Variants in SCARB2 observed in about 807,000 individuals in gnomAD.
SCARB2 encodes the protein lysosome membrane protein 2.
Under a neutral mutation model 58.6 loss-of-function variants are expected in SCARB2, and 29 were observed. That is an observed-to-expected ratio of 0.49 (90% confidence interval 0.37 to 0.67). The LOEUF is 0.67. SCARB2 is among the 30% of genes least tolerant of loss of function. SCARB2 has a pLI of 0.00. For synonymous variants in SCARB2, 195 were observed against 210.1 expected (o/e 0.93, Z 0.62); for missense variants, 488 against 578.5 (o/e 0.84, Z 1.60).
At chr4:76,233,603 C>T (rs59293528) in intron 1 of SCARB2, among the ~76,000 whole-genome samples, 1 of 126,294 alleles carries the variant, frequency 7.9e-6, no homozygotes, top group African/African-American at 2.9e-5. Flanking sequence ...CACACACACA[C>T]ATATGTAACT....
chr4:76,169,367 C>G (rs1319357655), intron 8 of SCARB2, among the ~76,000 whole-genome samples: 1 of 147,432 alleles, frequency 6.8e-6, no homozygotes, highest in Non-Finnish European at 1.5e-5. Context: ...CTATGTATAT[C>G]TGATACCTTT....
chr4:76,217,828 T>G (rs1733240289), upstream of SCARB2: 1 of 402,980 alleles, frequency 2.5e-6, no homozygotes, highest in East Asian at 3.5e-5. Flanking sequence ...GAATGATTGC[T>G]GGTGCCTGTT....
chr4:76,214,279 CAGCA>C (rs1218500994), upstream of SCARB2: 1 of 456,064 alleles, frequency 2.2e-6, no homozygotes, highest in Non-Finnish European at 4.4e-6. Flanking sequence ...GAGATCATGC[CAGCA>C]AGCATGTTCT....
At chr4:76,211,623 G>T (rs926415904) in intron 1 of SCARB2, among the ~76,000 whole-genome samples, 1 of 152,160 alleles carries the variant, frequency 6.6e-6, no homozygotes, top group South Asian at 2.1e-4. Flanking sequence ...AACAGCCCAC[G>T]GTCACCGAGC....
Position 76,181,072 on chromosome 4 carries a change from A to G in SCARB2, c.305T>C (p.Phe102Ser). ...RELRNKANIQ[F>S]GDNGTTISAV... Reference sequence around the variant, plus strand: ...AGATATTGTTGTTCCATTATCTCCAAATTGAATATTTGCTTTGTTTCTGAG... The same window carrying G: ...AGATATTGTTGTTCCATTATCTCCAGATTGAATATTTGCTTTGTTTCTGAG... The change falls in exon 3 of 12, where the codon TTT becomes TCT. Residue 102 changes from phenylalanine (F) to serine (S), a missense_variant. By Grantham distance (155) the Phe-to-Ser change is radical. Transcript: ENST00000264896. 1 of 1,613,804 alleles carries G rather than the reference A, an allele frequency of 6.2e-7. No individual in the cohort carries two copies. Among genetic ancestry groups the G allele is most frequent in the Non-Finnish European group, 8.5e-7 (1 of 1,179,876 alleles).
rs1359517622 is a variant in SCARB2, at chr4:76,168,481, A to C, written c.1114-5T>G. ...TTTTAGGATTATTCCAGTCAACTGC[A>C]AATCAGAGAAGTGAAAAGGAAACAT... On this transcript the variant is annotated splice_region_variant and splice_polypyrimidine_tract_variant and intron_variant, in intron 8 of 11. Coordinates refer to ENST00000264896, the MANE Select transcript of SCARB2 (RefSeq NM_005506.4). 5 of 1,612,784 alleles carry C rather than the reference A, an allele frequency of 3.1e-6. No homozygotes were observed. Among genetic ancestry groups the C allele is most frequent in the African/African-American group, 1.3e-5 (1 of 74,928 alleles).
Position 76,213,435 on chromosome 4 carries a change from T to C in SCARB2, c.109A>G (p.Ile37Val). ...RVFQKAVDQS[I>V]EKKIVLRNGT... ...AGCCCGCCCCGCCTCACCTTCTCGA[T>C]ACTCTGGTCTACAGCCTTCTGGAAG... The change falls in exon 1 of 12, where the codon ATC becomes GTC. Residue 37 changes from isoleucine (I) to valine (V), a missense_variant. Ile to Val is a conservative substitution (Grantham distance 29). Transcript: ENST00000264896. 1 of 1,608,522 alleles carries C rather than the reference T, an allele frequency of 6.2e-7. No individual in the cohort carries two copies. The highest frequency in any genetic ancestry group is 8.5e-7 in the Non-Finnish European group (1 of 1,176,688).
intron 7 of SCARB2, 69 bp downstream of exon 7, chr4:76,174,075 A>T (rs907226984): frequency 1.3e-6 from 2 of 1,588,402 alleles, no homozygotes; most frequent in African/African-American, 2.7e-5. Context: ...CCAGCTACAT[A>T]TTCTTTGTTG....
chr4:76,202,472 G>A (rs1048055618), intron 1 of SCARB2, among the ~76,000 whole-genome samples: 13 of 152,220 alleles, frequency 8.5e-5, no homozygotes, highest in Middle Eastern at 3.4e-3. Context: ...TGTTAGTCAG[G>A]CTGATCTTGA....
At chr4:76,206,704 A>C (rs1423351950) in intron 1 of SCARB2, among the ~76,000 whole-genome samples, 1 of 151,318 alleles carries the variant, frequency 6.6e-6, no homozygotes, top group Non-Finnish European at 1.5e-5. Flanking sequence ...ATACTAGATT[A>C]AAATACCAAA....
intron 1 of SCARB2, among the ~76,000 whole-genome samples, chr4:76,228,422 C>T (rs557132274): frequency 5.3e-5 from 8 of 150,908 alleles, no homozygotes; most frequent in Non-Finnish European, 1.2e-4. Context: ...AAGGTTACAG[C>T]AAGCTGAGAT....
In SCARB2 at chr4:76,180,972, T is replaced by C. The variant is rs755329964; in HGVS notation, c.405A>G (p.Thr135=). The C allele has an allele frequency of 5.6e-6, 9 of 1,612,234 alleles. No individual in the cohort carries two copies. The highest frequency in any genetic ancestry group is 4.0e-5 in the African/African-American group (3 of 74,866). ...TACTTACCAATACAGGAATATTTAA[T>C]GTTCTAATTAAGTCAATTTTAGGGT... ...VGDPKIDLIR[T]LNIPVLTVIE... The change falls in exon 3 of 12, where the codon ACA becomes ACG. Residue 135 remains threonine, a synonymous_variant. Transcript: ENST00000264896.
Position 76,161,449 on chromosome 4 carries a change from A to C in SCARB2, c.*264T>G, listed in dbSNP as rs151231727. On this transcript the variant is annotated 3_prime_UTR_variant, in exon 12 of 12. Transcript: ENST00000264896. ...GAGCTACCAGCACCCAACAACAACA[A>C]AATTACTATACAAGGGTTTATTAAA... 3.3e-4 allele frequency: 171 copies of C among 523,038 alleles called. No individual in the cohort carries two copies. The highest frequency in any genetic ancestry group is 3.0e-3 in the African/African-American group (156 of 52,392). 32.4% of individuals were successfully genotyped at this position (523,038 alleles called of 1,614,324 possible).
At chr4:76,182,493 T>C (rs1398572950) in intron 2 of SCARB2, among the ~76,000 whole-genome samples, 1 of 152,224 alleles carries the variant, frequency 6.6e-6, no homozygotes, top group African/African-American at 2.4e-5. Flanking sequence ...AATCTTAAAA[T>C]CTTAAATTAC....
At chr4:76,193,724 A>G (rs1332494157) in intron 2 of SCARB2, 1 of 152,232 alleles carries the variant, frequency 6.6e-6, no homozygotes, top group East Asian at 1.9e-4. Flanking sequence ...TCTTGAAAGG[A>G]AATAACTTGT....
At chr4:76,198,607 T>C (rs1315940887) in intron 1 of SCARB2, among the ~76,000 whole-genome samples, 1 of 151,820 alleles carries the variant, frequency 6.6e-6, no homozygotes, top group Non-Finnish European at 1.5e-5. Flanking sequence ...CTGGGGCTTC[T>C]CCTCTGTCTC....
At position 76,176,093 on chromosome 4, in the gene SCARB2, C is replaced by A. The variant is rs17001566; in HGVS notation, c.705-183G>T. Reference sequence around the variant, plus strand: ...AAAGTAGGTCCCTGGCCCAAATCAGCTTTCATAGAGGCAATGGCCAAATAG... The same window carrying A: ...AAAGTAGGTCCCTGGCCCAAATCAGATTTCATAGAGGCAATGGCCAAATAG... On this transcript the variant is annotated intron_variant, in intron 5 of 11. Transcript: ENST00000264896. 885 of 746,150 alleles carry A rather than the reference C, an allele frequency of 1.2e-3. 6 individuals are homozygous for A. The African/African-American group carries it at 0.014, about 12-fold the overall frequency. 46.2% of individuals were successfully genotyped at this position (746,150 alleles called of 1,614,324 possible). A position where few individuals can be genotyped will look rare whatever the true frequency, so the allele number is the denominator to read the frequency against.
At chr4:76,209,620 G>A (rs1732999375) in intron 1 of SCARB2, among the ~76,000 whole-genome samples, 1 of 152,198 alleles carries the variant, frequency 6.6e-6, no homozygotes, top group Non-Finnish European at 1.5e-5. Flanking sequence ...ACCCGATTCA[G>A]CCTCCCAAAG....
chr4:76,220,066 T>G (rs1339943180), intron 1 of SCARB2, among the ~76,000 whole-genome samples: 1 of 152,210 alleles, frequency 6.6e-6, no homozygotes, highest in East Asian at 1.9e-4. Flanking sequence ...TTCCTCCATT[T>G]TGAATCAAAC....
Sources: allele counts gnomAD v4.1 joint callset (sites outside exome capture counted in the v4.1 genomes callset), GRCh38; gene constraint gnomAD v4.1.1; transcripts MANE v1.5; gene names NCBI Gene and HGNC (gene_info 2026-07-23, HGNC 2026-07-21).